The following IQSEC1 variants were observed in gnomAD, a reference collection of about 807,000 sequenced individuals.
IQSEC1 encodes the protein IQ motif and Sec7 domain ArfGEF 1, also known as IQ motif and SEC7 domain-containing protein 1.
IQSEC1 carries 31 observed loss-of-function variants against 91.0 expected under a neutral mutation model. The ratio of observed to expected loss-of-function variants is 0.34; its 90% CI spans 0.26 to 0.46. The LOEUF (loss-of-function observed/expected upper bound fraction) is 0.46. Ranked by LOEUF, IQSEC1 falls within the 20% of genes least tolerant of loss-of-function variation. The pLI is 1.00. For missense variants in IQSEC1, 1,388 were observed against 1,575.6 expected, an observed-to-expected ratio of 0.88 and a Z score of 2.02; for synonymous variants, 699 against 662.6, an observed-to-expected ratio of 1.05 and a Z score of -0.84.
intron 1 of IQSEC1, among the ~76,000 whole-genome samples, chr3:13,009,577 G>A (rs1251323946): frequency 2.6e-5 from 4 of 151,458 alleles, no homozygotes; most frequent in Non-Finnish European, 4.4e-5. Flanking sequence ...CAACTTCCAG[G>A]CTCAGGACCC....
At chr3:12,902,643 CAAAAAAAAAAACAACAAAAAAAAAACCA>C (rs1162398217) in intron 13 of IQSEC1, 102 bp downstream of exon 13, 76 of 305,592 alleles carry the variant, frequency 2.5e-4, no homozygotes, top group East Asian at 8.5e-4. Flanking sequence ...AAGGAAAAGC[CAAAAAAAAAAACAACAAAAAAAAAACCA>C]AAAAAAAAAA....
At chr3:12,966,234 C>T (rs1700556177) in intron 1 of IQSEC1, among the ~76,000 whole-genome samples, 2 of 152,230 alleles carry the variant, frequency 1.3e-5, no homozygotes, top group African/African-American at 2.4e-5. Context: ...CCTTGAGAAG[C>T]CCCCCAACCC....
In IQSEC1 at chr3:13,073,355, TC is replaced by T. The variant is rs1705499419; in HGVS notation, c.-342del. Among the ~76,000 whole-genome samples the T allele has an allele frequency of 6.6e-6, 1 of 152,082 alleles. No homozygotes were observed. Among genetic ancestry groups the T allele is most frequent in the South Asian group, 2.1e-4 (1 of 4,828 alleles). ...CCTTGGGGTTTTTCCCTCCCGTCCA[TC>T]CGGGGTGCGGGGCGCGGGGATGAGG... On this transcript the variant is annotated 5_prime_UTR_variant, in exon 1 of 14. It removes the in-frame stop codon of an upstream open reading frame in the 5' UTR. Coordinates refer to ENST00000613206, the MANE Select transcript of IQSEC1 (RefSeq NM_001134382.3).
chr3:13,179,832 C>T (rs918993897), intron 1 of IQSEC1, among the ~76,000 whole-genome samples: 6 of 152,198 alleles, frequency 3.9e-5, no homozygotes, highest in Non-Finnish European at 7.3e-5. Flanking sequence ...ATGGGCTCGG[C>T]GGGCCCTGCA....
At chr3:12,917,045 T>C (rs1696162934) in intron 6 of IQSEC1, among the ~76,000 whole-genome samples, 3 of 152,220 alleles carry the variant, frequency 2.0e-5, no homozygotes, top group African/African-American at 4.8e-5. Flanking sequence ...GGAAGGAAAC[T>C]GCTAGGCACC....
intron 1 of IQSEC1, chr3:13,047,611 G>A (rs1704549127): frequency 4.6e-6 from 3 of 648,288 alleles, no homozygotes; most frequent in Non-Finnish European, 5.7e-6. Flanking sequence ...GCCCCAGCAG[G>A]TGGTCCCAGG....
At chr3:13,261,211 C>T (rs1168066802) in intron 1 of IQSEC1, among the ~76,000 whole-genome samples, 1 of 152,194 alleles carries the variant, frequency 6.6e-6, no homozygotes, top group Non-Finnish European at 1.5e-5. Context: ...TGAGGGCTCC[C>T]AGCTGAGTAC....
intron 1 of IQSEC1, among the ~76,000 whole-genome samples, chr3:13,023,173 G>A (rs915821688): frequency 7.9e-5 from 12 of 152,212 alleles, no homozygotes; most frequent in Non-Finnish European, 1.3e-4. Context: ...CAGGGTGTAA[G>A]CTGGCTCCTC....
In IQSEC1 at chr3:13,081,558, C is replaced by T. The variant is rs566704987; in HGVS notation, c.303-34036G>A. Among the ~76,000 whole-genome samples the T allele has an allele frequency of 8.5e-5, 13 of 152,336 alleles. No homozygotes were observed. In the East Asian group the frequency reaches 2.1e-3, roughly 25 times the overall value. On this transcript the variant is annotated intron_variant, in intron 2 of 15. Transcript: ENST00000648114. ...TGTTAGGATTATAGGCATGAGCCAC[C>T]ATGCCTGGCCTCAATTTTCTTTATT...
intron 1 of IQSEC1, among the ~76,000 whole-genome samples, chr3:13,253,898 G>A (rs959735769): frequency 2.2e-4 from 34 of 152,114 alleles, no homozygotes; most frequent in Non-Finnish European, 2.9e-4. Context: ...CCATTAAGAC[G>A]GGGTGAAGAA....
chr3:13,209,166 T>A (rs572779187), intron 1 of IQSEC1, among the ~76,000 whole-genome samples: 1 of 152,300 alleles, frequency 6.6e-6, no homozygotes, highest in Non-Finnish European at 1.5e-5. Context: ...GGGCAGACAC[T>A]GGACTCACAT....
At chr3:13,124,717 GC>G (rs1355620038) in intron 2 of IQSEC1, among the ~76,000 whole-genome samples, 1 of 152,092 alleles carries the variant, frequency 6.6e-6, no homozygotes, top group Non-Finnish European at 1.5e-5. Flanking sequence ...CGGGGGCCCC[GC>G]CCATCAGACC....
intron 1 of IQSEC1, among the ~76,000 whole-genome samples, chr3:13,220,440 C>T (rs965258146): frequency 1.9e-4 from 29 of 152,226 alleles, no homozygotes; most frequent in African/African-American, 7.0e-4. Flanking sequence ...ACCCCACTGG[C>T]CCCCACAAGG....
chr3:12,950,590 T>A (rs1699476125), intron 1 of IQSEC1, among the ~76,000 whole-genome samples: 1 of 152,106 alleles, frequency 6.6e-6, no homozygotes, highest in African/African-American at 2.4e-5. Flanking sequence ...GAGGATCACT[T>A]GAGGCCAGGA....
chr3:13,253,304 G>A (rs188040756), intron 1 of IQSEC1, among the ~76,000 whole-genome samples: 27 of 152,282 alleles, frequency 1.8e-4, no homozygotes, highest in Admixed American at 9.8e-4. Flanking sequence ...TGGCAGAGCC[G>A]GGATCTGAAC....
chr3:13,096,431 C>T (rs1576247975), intron 2 of IQSEC1, among the ~76,000 whole-genome samples: 2 of 152,202 alleles, frequency 1.3e-5, no homozygotes, highest in Admixed American at 6.5e-5. Context: ...TACACTGGGC[C>T]GTGTAGGGCA....
chr3:13,162,973 C>T (rs1489093280), intron 2 of IQSEC1, among the ~76,000 whole-genome samples: 2 of 152,078 alleles, frequency 1.3e-5, no homozygotes, highest in African/African-American at 4.8e-5. Context: ...CTCACCTGGG[C>T]TTCACCCCTG....
chr3:13,070,386 T>C (rs190132316), intron 1 of IQSEC1, among the ~76,000 whole-genome samples: 81 of 152,316 alleles, frequency 5.3e-4, no homozygotes, highest in Admixed American at 5.3e-3. Context: ...TGCAATCAAG[T>C]TGGGCAGCTC....
intron 3 of IQSEC1, among the ~76,000 whole-genome samples, chr3:12,928,691 T>C (rs1697377693): frequency 6.6e-6 from 1 of 152,248 alleles, no homozygotes; most frequent in Non-Finnish European, 1.5e-5. Context: ...CATCCACCTG[T>C]GCCCTGCCTC....
Sources: gnomAD v4.1 joint callset for allele counts (sites outside exome capture counted in the v4.1 genomes callset) on GRCh38, gnomAD v4.1.1 for gene constraint, MANE v1.5 for transcripts, NCBI Gene and HGNC (gene_info 2026-07-23, HGNC 2026-07-21) for gene names.